Variants in H2BC18 observed in about 807,000 individuals in gnomAD.
H2BC18 encodes the protein histone H2B type 2-F.
H2BC18 carries 8 observed loss-of-function variants against 6.3 expected under a neutral mutation model. That is an observed-to-expected ratio of 1.28 (90% CI 0.75 to 2.31). H2BC18 has a LOEUF of 2.31. H2BC18 is among the 30% of genes most tolerant of loss of function. The pLI is 0.00. For missense variants in H2BC18, 106 were observed against 174.5 expected (o/e 0.61, Z 2.21); for synonymous variants, 104 against 78.1 (o/e 1.33, Z -1.75).
intron 1 of H2BC18, among the ~76,000 whole-genome samples, chr1:149,793,711 T>A (rs1553752490): frequency 6.7e-6 from 1 of 150,234 alleles, no homozygotes; most frequent in Non-Finnish European, 1.5e-5. Flanking sequence ...GTTGGGAGGG[T>A]GGGTCGTTAG....
At chr1:149,798,793 G>T (rs1393251259) in intron 1 of H2BC18, among the ~76,000 whole-genome samples, 10 of 152,048 alleles carry the variant, frequency 6.6e-5, no homozygotes, top group African/African-American at 2.4e-4. Flanking sequence ...TTTACTTTTT[G>T]TAGAGACAGG....
intron 1 of H2BC18, among the ~76,000 whole-genome samples, chr1:149,793,783 G>T (rs1354384392): frequency 6.6e-5 from 10 of 151,808 alleles, no homozygotes; most frequent in Admixed American, 6.6e-4. Flanking sequence ...AGGGCCACAA[G>T]AGCTTCTGTA....
At chr1:149,804,615 A>G (rs1189718466) in intron 1 of H2BC18, among the ~76,000 whole-genome samples, 4 of 151,614 alleles carry the variant, frequency 2.6e-5, no homozygotes, top group Non-Finnish European at 5.9e-5. Context: ...TAACAATAAT[A>G]AGAACAACAC....
At chr1:149,807,527 C>T (rs1481025948), downstream of H2BC18, among the ~76,000 whole-genome samples, 630 of 5,820 alleles carry the variant, frequency 0.11, 81 homozygotes, top group African/African-American at 0.36. Context: ...GGGGGGGGGG[C>T]GGGCATGGTG....
intron 1 of H2BC18, among the ~76,000 whole-genome samples, chr1:149,793,603 T>C (rs1423463102): frequency 1.3e-5 from 2 of 151,832 alleles, no homozygotes; most frequent in African/African-American, 4.9e-5. Flanking sequence ...CTACCGAGGC[T>C]TCACCTGTGA....
intron 1 of H2BC18, chr1:149,790,007 C>A (rs782338357): frequency 1.2e-6 from 2 of 1,612,572 alleles, no homozygotes; most frequent in Non-Finnish European, 1.7e-6. Flanking sequence ...TGAAAAGGAC[C>A]TGGATGCTAA....
chr1:149,792,913 T>C (rs2101430272), intron 1 of H2BC18: 1 of 1,267,744 alleles, frequency 7.9e-7, no homozygotes, highest in East Asian at 5.8e-5. Flanking sequence ...AACGTCATTG[T>C]TTCCTCGGGG....
At chr1:149,793,968 A>G (rs2091770029) in intron 1 of H2BC18, 1 of 1,092,790 alleles carries the variant, frequency 9.2e-7, no homozygotes, top group Non-Finnish European at 1.2e-6. Context: ...GATTAGCTAG[A>G]CCTGCCCAGC....
intron 1 of H2BC18, chr1:149,787,110 G>A (rs1193866751): frequency 1.3e-5 from 2 of 152,262 alleles, no homozygotes; most frequent in African/African-American, 4.8e-5. Context: ...AGATGGCAGT[G>A]TTTGGGCAGT....
intron 1 of H2BC18, chr1:149,792,995 G>A (rs2091749978): frequency 1.6e-6 from 2 of 1,274,880 alleles, no homozygotes; most frequent in African/African-American, 1.6e-5. Flanking sequence ...CTCCCCAGGC[G>A]CGTAGCTGAG....
downstream of H2BC18, chr1:149,810,908 C>T (rs1476471502): frequency 6.6e-6 from 1 of 152,142 alleles, no homozygotes; most frequent in Non-Finnish European, 1.5e-5. Context: ...GGAGAAGCAC[C>T]TGGAAGCAGG....
chr1:149,799,620 T>A (rs1432791713), intron 1 of H2BC18, among the ~76,000 whole-genome samples: 1 of 152,240 alleles, frequency 6.6e-6, no homozygotes, highest in Admixed American at 6.5e-5. Flanking sequence ...AAATCTTATT[T>A]GGTAGATTTG....
downstream of H2BC18, among the ~76,000 whole-genome samples, chr1:149,808,587 C>T (rs1288074773): frequency 6.6e-6 from 1 of 152,082 alleles, no homozygotes; most frequent in Non-Finnish European, 1.5e-5. Flanking sequence ...GAAAATATTA[C>T]AACCTGGCTG....
chr1:149,788,562 C>T (rs587609471), intron 1 of H2BC18: 2 of 1,613,964 alleles, frequency 1.2e-6, no homozygotes, highest in South Asian at 2.2e-5. Flanking sequence ...CCTACCATTG[C>T]TCAGGCATGG....
intron 1 of H2BC18, among the ~76,000 whole-genome samples, chr1:149,806,008 C>T (rs1349531563): frequency 6.6e-6 from 1 of 152,038 alleles, no homozygotes; most frequent in African/African-American, 2.4e-5. Flanking sequence ...ACATCTGCAC[C>T]CCAGCCAGTG....
At chr1:149,804,381 C>T (rs2091899455) in intron 1 of H2BC18, among the ~76,000 whole-genome samples, 1 of 152,214 alleles carries the variant, frequency 6.6e-6, no homozygotes, top group Non-Finnish European at 1.5e-5. Flanking sequence ...TAATGGGCCA[C>T]ATAGCAGACA....
chr1:149,793,887 T>G lies in H2BC18; in HGVS notation c.378-10627A>C, dbSNP rs587623488. 1.2e-4 allele frequency: 148 copies of G among 1,285,490 alleles called. 3 individuals carry two copies. In the South Asian group the frequency reaches 1.8e-3, roughly 16 times the overall value. The allele number at this position is 1,285,490 out of a possible 1,614,324, so 79.6% of individuals were successfully genotyped here. ...CCGGTTTGGGGTAAAACAGGAAGAG[T>G]TGGGTCCATTCTGGATCTTTCCTAG... On this transcript the variant is annotated intron_variant, in intron 1 of 1. Transcript: ENST00000545683.
downstream of H2BC18, among the ~76,000 whole-genome samples, chr1:149,809,736 C>G (rs2101498279): frequency 6.8e-6 from 1 of 148,054 alleles, no homozygotes; most frequent in Admixed American, 6.6e-5. Context: ...GGAATGAGGC[C>G]TTAAGAGAAA....
intron 1 of H2BC18, among the ~76,000 whole-genome samples, chr1:149,801,870 A>G (rs1200441560): frequency 6.6e-6 from 1 of 152,088 alleles, no homozygotes; most frequent in Non-Finnish European, 1.5e-5. Flanking sequence ...TGAGACTCAA[A>G]TTCCCCCCTC....
Sources: allele counts gnomAD v4.1 joint callset (sites outside exome capture counted in the v4.1 genomes callset), GRCh38; gene constraint gnomAD v4.1.1; transcripts MANE v1.5; gene names NCBI Gene and HGNC (gene_info 2026-07-23, HGNC 2026-07-21).